NMNAT3: variants seen among roughly 807,000 people sequenced by gnomAD.
The protein encoded by NMNAT3 is nicotinamide nucleotide adenylyltransferase 3, also known as nicotinamide/nicotinic acid mononucleotide adenylyltransferase 3.
In NMNAT3, 21 loss-of-function variants were observed where a neutral mutation model predicts 24.8. That is an observed-to-expected ratio of 0.85 (90% CI 0.60 to 1.22). The LOEUF is 1.22. Among genes scored for constraint, NMNAT3 ranks in the 50% most tolerant of loss-of-function variants. The probability of loss-of-function intolerance (pLI) is 0.00; values close to 1 mark genes in which losing one functional copy is unlikely to be tolerated. For synonymous variants in NMNAT3, 136 were observed against 155.2 expected, an observed-to-expected ratio of 0.88 and a Z score of 0.92; for missense variants, 387 against 436.6, an observed-to-expected ratio of 0.89 and a Z score of 1.01.
chr3:139,575,776 G>A (rs1014339781), intron 5 of NMNAT3: 28 of 1,156,026 alleles, frequency 2.4e-5, no homozygotes, highest in Admixed American at 4.0e-5. Flanking sequence ...GACCCTGGGG[G>A]CATGTTCTTG....
intron 3 of NMNAT3, among the ~76,000 whole-genome samples, chr3:139,585,286 A>G (rs1013198891): frequency 1.3e-5 from 2 of 152,156 alleles, no homozygotes; most frequent in Non-Finnish European, 2.9e-5. Context: ...GTGTGCACAC[A>G]TTTAATGAGC....
rs949139800 is a variant in NMNAT3, at chr3:139,591,708, G to C, written c.110-8500C>G. On this transcript the variant is annotated intron_variant, in intron 3 of 6. Coordinates refer to ENST00000643695, the MANE Select transcript of NMNAT3 (RefSeq NM_001320510.2). ...TGGGAGGCACCCCCCAGCAGGGGCAGACTGACACCTCACAAGGCCGGGTAC... is the reference window on the plus strand; with the variant it reads ...TGGGAGGCACCCCCCAGCAGGGGCACACTGACACCTCACAAGGCCGGGTAC... Among the ~76,000 whole-genome samples the C allele has an allele frequency of 2.8e-3, 431 of 152,352 alleles. 1 individual carries two copies. Among genetic ancestry groups the C allele is most frequent in the African/African-American group, 8.9e-3 (369 of 41,570 alleles).
chr3:139,648,706 G>A (rs888968230), intron 1 of NMNAT3, among the ~76,000 whole-genome samples: 1 of 152,154 alleles, frequency 6.6e-6, no homozygotes, highest in Non-Finnish European at 1.5e-5. Flanking sequence ...TCCTCTGAAG[G>A]TTTATCTGCA....
At chr3:139,580,820 T>G (rs921295271) in intron 4 of NMNAT3, among the ~76,000 whole-genome samples, 4 of 152,140 alleles carry the variant, frequency 2.6e-5, no homozygotes, top group Non-Finnish European at 1.5e-5. Context: ...TATTCTTTTT[T>G]TTTTGGCAAT....
At chr3:139,561,653 T>C (rs1352983470) in intron 6 of NMNAT3, among the ~76,000 whole-genome samples, 1 of 152,200 alleles carries the variant, frequency 6.6e-6, no homozygotes, top group Non-Finnish European at 1.5e-5. Flanking sequence ...TTCTTTTCAG[T>C]GTTCTAACAG....
chr3:139,628,970 G>T (rs1315345166), intron 2 of NMNAT3, among the ~76,000 whole-genome samples: 1 of 152,218 alleles, frequency 6.6e-6, no homozygotes, highest in East Asian at 1.9e-4. Flanking sequence ...AGCAGGAGGA[G>T]AAAGGAGATG....
chr3:139,596,939 TATATATATATATATATATATA>T (rs2054497911), intron 3 of NMNAT3, among the ~76,000 whole-genome samples: 1 of 111,100 alleles, frequency 9.0e-6, no homozygotes, highest in African/African-American at 4.5e-5. Context: ...TATATATATA[TATATATATATATATATATATA>T]TATATTTTTA....
chr3:139,633,574 G>T (rs1349631643), intron 2 of NMNAT3, among the ~76,000 whole-genome samples: 1 of 152,150 alleles, frequency 6.6e-6, no homozygotes. Context: ...TCTTTTTAGC[G>T]GCAGGCTGTC....
At chr3:139,620,142 T>G (rs928501453) in intron 3 of NMNAT3, among the ~76,000 whole-genome samples, 3 of 152,002 alleles carry the variant, frequency 2.0e-5, no homozygotes. Flanking sequence ...ATTTGTTGTG[T>G]CTTTTGCCCT....
intron 3 of NMNAT3, among the ~76,000 whole-genome samples, chr3:139,588,632 G>T (rs1305623809): frequency 6.6e-6 from 1 of 152,126 alleles, no homozygotes; most frequent in Non-Finnish European, 1.5e-5. Flanking sequence ...CTCCAGGTGG[G>T]GGTGCCAGAG....
At chr3:139,674,209 G>T (rs890210058) in intron 1 of NMNAT3, among the ~76,000 whole-genome samples, 2 of 152,236 alleles carry the variant, frequency 1.3e-5, no homozygotes, top group African/African-American at 4.8e-5. Flanking sequence ...GAGAATCTTA[G>T]ATTTCCCTGG....
intron 5 of NMNAT3, chr3:139,575,859 T>G (rs1191404453): frequency 1.6e-6 from 2 of 1,244,868 alleles, no homozygotes; most frequent in Non-Finnish European, 2.1e-6. Context: ...GCCAGCCACA[T>G]CATGTTCCCA....
chr3:139,598,252 C>T (rs1277383214), intron 3 of NMNAT3, among the ~76,000 whole-genome samples: 2 of 152,098 alleles, frequency 1.3e-5, no homozygotes, highest in South Asian at 4.1e-4. Flanking sequence ...AGAACCTGGC[C>T]ACTCTTCCAT....
intron 1 of NMNAT3, among the ~76,000 whole-genome samples, chr3:139,656,390 G>A (rs2057243824): frequency 6.6e-6 from 1 of 152,160 alleles, no homozygotes; most frequent in African/African-American, 2.4e-5. Flanking sequence ...TTATTGTGAT[G>A]ACCATCCAAA....
chr3:139,627,645 T>A lies in NMNAT3; in HGVS notation c.80A>T (p.Glu27Val). Residue 27 changes from glutamate to valine, a missense_variant, in exon 3 of 7, where the codon GAG becomes GTG. Physicochemically the swap from Glu to Val is moderately radical, Grantham distance 121. Around this residue, in one of 3 missense-constraint regions of NMNAT3, gnomAD observed 51 missense variants for 55.6 expected, o/e 0.92. Transcript: ENST00000643695. Reference sequence around the variant, plus strand: ...TTGGTGTAGGTGATCTCTGGCCACCTCAAACATGCGCAGGTGCATGTTGGT... The same window carrying A: ...TTGGTGTAGGTGATCTCTGGCCACCACAAACATGCGCAGGTGCATGTTGGT... 1 of 1,593,834 alleles carries A rather than the reference T, an allele frequency of 6.3e-7. No homozygotes were observed. The highest frequency in any genetic ancestry group is 1.1e-5 in the South Asian group (1 of 90,286).
intron 3 of NMNAT3, among the ~76,000 whole-genome samples, chr3:139,585,859 C>T (rs575172284): frequency 1.4e-4 from 22 of 152,320 alleles, no homozygotes; most frequent in Middle Eastern, 6.8e-3. Flanking sequence ...TACCTTACCC[C>T]GGAGGGTATA....
At chr3:139,602,808 G>A (rs2054776206) in intron 3 of NMNAT3, among the ~76,000 whole-genome samples, 1 of 152,200 alleles carries the variant, frequency 6.6e-6, no homozygotes, top group South Asian at 2.1e-4. Context: ...TGTAGTTAAT[G>A]CAATTTCATT....
intron 3 of NMNAT3, among the ~76,000 whole-genome samples, chr3:139,593,464 A>G (rs890790573): frequency 3.9e-5 from 6 of 152,210 alleles, no homozygotes; most frequent in African/African-American, 1.4e-4. Context: ...AGCGGACCTA[A>G]TAGACATCTA....
chr3:139,576,034 A>G (rs1250938838), intron 5 of NMNAT3: 1 of 1,288,888 alleles, frequency 7.8e-7, no homozygotes, highest in Non-Finnish European at 1.0e-6. Flanking sequence ...TCTGCAAAGA[A>G]CAAACTATCT....
Sources: allele counts gnomAD v4.1 joint callset (sites outside exome capture counted in the v4.1 genomes callset), GRCh38; gene constraint gnomAD v4.1.1; regional missense constraint gnomAD v4.1.1; transcripts MANE v1.5; gene names NCBI Gene and HGNC (gene_info 2026-07-23, HGNC 2026-07-21).